Variants in DNAH12 observed in about 807,000 individuals in gnomAD.
DNAH12 encodes dynein axonemal heavy chain 12.
In DNAH12, 285 loss-of-function variants were observed where a neutral mutation model predicts 371.5. The ratio of observed to expected loss-of-function variants is 0.77; its 90% CI spans 0.70 to 0.85. The LOEUF is 0.85. Among genes scored for constraint, DNAH12 ranks in the 40% least tolerant of loss-of-function variants. DNAH12 has a pLI of 0.00. For synonymous variants in DNAH12, 1,200 were observed against 1,213.0 expected (o/e 0.99, Z 0.22); for missense variants, 3,611 against 3,689.4 (o/e 0.98, Z 0.55).
chr3:57,449,478 C>A (rs926362969), intron 25 of DNAH12, among the ~76,000 whole-genome samples: 2 of 152,176 alleles, frequency 1.3e-5, no homozygotes, highest in Non-Finnish European at 2.9e-5. Flanking sequence ...CTGCAGGTCC[C>A]GAGCCATGCC....
intron 34 of DNAH12, among the ~76,000 whole-genome samples, chr3:57,426,348 T>A (rs1011093272): frequency 1.3e-5 from 2 of 152,168 alleles, no homozygotes; most frequent in Non-Finnish European, 2.9e-5. Flanking sequence ...AAAGGATTTG[T>A]GTTTTGGAAA....
At position 57,429,737 on chromosome 3, in the gene DNAH12, G is replaced by C; in HGVS notation, c.5018C>G (p.Pro1673Arg). The C allele has an allele frequency of 1.3e-6, 2 of 1,529,866 alleles. No homozygotes were observed. The highest frequency in any genetic ancestry group is 1.8e-6 in the Non-Finnish European group (2 of 1,139,288). The allele number at this position is 1,529,866 out of a possible 1,614,324, so 94.8% of individuals were successfully genotyped here. A position where few individuals can be genotyped will look rare whatever the true frequency, so the allele number is the denominator to read the frequency against. Residue 1673 changes from proline (P) to arginine (R), a missense_variant, in exon 33 of 74, where the codon CCC becomes CGC. Around this residue, in one of 3 missense-constraint regions of DNAH12, gnomAD observed 2,266 missense variants for 2,236.9 expected, o/e 1.01. Transcript: ENST00000495027. Reference sequence around the variant, plus strand: ...TGTTTCAAAGATGAGGCTCATTTGGGGGGACATCTGAATGATTTCTCCACT... The same window carrying C: ...TGTTTCAAAGATGAGGCTCATTTGGCGGGACATCTGAATGATTTCTCCACT... ...LMSGEIIQMS[P>R]QMSLIFETMD...
chr3:57,516,053 CTTTTTTTT>C (rs11395278), intron 4 of DNAH12, among the ~76,000 whole-genome samples: 4 of 71,982 alleles, frequency 5.6e-5, no homozygotes, highest in African/African-American at 1.6e-4. Context: ...ACTGCTTAGT[CTTTTTTTT>C]TTTTTTTTTT....
At chr3:57,364,178 A>G in intron 57 of DNAH12, among the ~76,000 whole-genome samples, 1 of 152,284 alleles carries the variant, frequency 6.6e-6, no homozygotes, top group East Asian at 1.9e-4. Context: ...ACTGGTGATA[A>G]AGCTGGTTCT....
At chr3:57,537,831 T>C (rs920525250) in intron 2 of DNAH12, among the ~76,000 whole-genome samples, 1 of 151,936 alleles carries the variant, frequency 6.6e-6, no homozygotes, top group Non-Finnish European at 1.5e-5. Context: ...ACTACAGGCA[T>C]GCACTACCAC....
chr3:57,421,289 T>C (rs1211140534), intron 36 of DNAH12, among the ~76,000 whole-genome samples: 1 of 152,156 alleles, frequency 6.6e-6, no homozygotes, highest in African/African-American at 2.4e-5. Context: ...TGGGGAATTA[T>C]TTAATAAAAT....
At chr3:57,349,540 A>C (rs782117101) in intron 60 of DNAH12, among the ~76,000 whole-genome samples, 1 of 152,238 alleles carries the variant, frequency 6.6e-6, no homozygotes, top group African/African-American at 2.4e-5. Flanking sequence ...ACAATTTGCA[A>C]TTGCAAAAAT....
intron 12 of DNAH12, 49 bp downstream of exon 12, chr3:57,489,460 T>C: frequency 2.8e-6 from 4 of 1,441,168 alleles, no homozygotes; most frequent in Non-Finnish European, 3.6e-6. Flanking sequence ...TTTAGCAAAA[T>C]ACTTCTTTTA....
At chr3:57,327,992 T>C (rs1199593665) in intron 62 of DNAH12, among the ~76,000 whole-genome samples, 68 of 151,180 alleles carry the variant, frequency 4.5e-4, no homozygotes, top group African/African-American at 1.5e-3. Context: ...ACACATACAC[T>C]CTCCCAAGAC....
chr3:57,350,159 T>A (rs916505123), intron 60 of DNAH12, among the ~76,000 whole-genome samples: 1 of 151,974 alleles, frequency 6.6e-6, no homozygotes. Flanking sequence ...TGGAGAGGGA[T>A]AAGAGACTAC....
the DNAH12 span, among the ~76,000 whole-genome samples, chr3:57,552,289 TCAAA>T: frequency 6.7e-6 from 1 of 150,246 alleles, no homozygotes; most frequent in African/African-American, 2.4e-5. Flanking sequence ...TGCCCAGGGC[TCAAA>T]CAATCCTCCC....
chr3:57,456,385 G>A (rs551019371), intron 22 of DNAH12, among the ~76,000 whole-genome samples: 4 of 152,224 alleles, frequency 2.6e-5, no homozygotes, highest in South Asian at 2.1e-4. Context: ...ATAAAGCTTC[G>A]ATGCCTTTTA....
chr3:57,390,424 A>AAAAAAAAAAATATATATATATATAT, intron 45 of DNAH12, among the ~76,000 whole-genome samples: 1 of 33,440 alleles, frequency 3.0e-5, no homozygotes, highest in African/African-American at 6.3e-5. Context: ...AAAAAAAAAA[A>AAAAAAAAAAATATATATATATATAT]ATATATATAT....
chr3:57,405,246 GT>G, intron 41 of DNAH12, 99 bp from the exon 42 acceptor site: 3 of 1,065,346 alleles, frequency 2.8e-6, no homozygotes, highest in South Asian at 1.8e-5. Flanking sequence ...AAGTAATTAA[GT>G]TTTTAAACAT....
chr3:57,502,315 A>G lies in DNAH12; in HGVS notation c.1243+8T>C. 1 of 1,613,750 alleles carries G rather than the reference A, an allele frequency of 6.2e-7. No individual in the cohort carries two copies. Among genetic ancestry groups the G allele is most frequent in the Non-Finnish European group, 8.5e-7 (1 of 1,179,820 alleles). On this transcript the variant is annotated splice_region_variant and intron_variant, in intron 10 of 73. Transcript: ENST00000495027. ...CAAATGGTATAATATTATGTATGTC[A>G]TACACACCATATGTCTCATAATGCT...
chr3:57,312,722 C>T (rs563468852), intron 66 of DNAH12, among the ~76,000 whole-genome samples: 1 of 152,292 alleles, frequency 6.6e-6, no homozygotes, highest in South Asian at 2.1e-4. Context: ...TTAGGCTGTA[C>T]CAACTAAATT....
At chr3:57,477,735 G>A (rs2066587647) in intron 13 of DNAH12, among the ~76,000 whole-genome samples, 1 of 152,130 alleles carries the variant, frequency 6.6e-6, no homozygotes, top group Non-Finnish European at 1.5e-5. Flanking sequence ...ACTTCCAGAG[G>A]AACGATCAGG....
In DNAH12 at chr3:57,446,537, C is replaced by T; in HGVS notation, c.3939G>A (p.Lys1313=). The T allele has an allele frequency of 1.3e-6, 2 of 1,522,462 alleles. No individual in the cohort carries two copies. Among genetic ancestry groups the T allele is most frequent in the African/African-American group, 1.4e-5 (1 of 71,910 alleles). 94.3% of individuals were successfully genotyped at this position (1,522,462 alleles called of 1,614,324 possible). A position where few individuals can be genotyped will look rare whatever the true frequency, so the allele number is the denominator to read the frequency against. Residue 1313 remains lysine, a splice_region_variant and synonymous_variant, in exon 26 of 74, where the codon AAG becomes AAA. Transcript: ENST00000495027. ...SDGLDYLAMG[K]FFKGLASSGA... ...ATTATTGATTCAGCAATTTAACTAC[C>T]TTTCCCATTGCTAGATAATCTAGCC...
intron 52 of DNAH12, among the ~76,000 whole-genome samples, chr3:57,378,130 A>G (rs1046535019): frequency 1.3e-5 from 2 of 152,166 alleles, no homozygotes; most frequent in African/African-American, 4.8e-5. Flanking sequence ...ACATTGTTGC[A>G]TATTTCTCTC....
Sources: allele counts gnomAD v4.1 joint callset (sites outside exome capture counted in the v4.1 genomes callset), GRCh38; gene constraint gnomAD v4.1.1; regional missense constraint gnomAD v4.1.1; transcripts MANE v1.5; gene names NCBI Gene and HGNC (gene_info 2026-07-23, HGNC 2026-07-21).